The following PHACTR1 variants were observed in gnomAD, a reference collection of about 807,000 sequenced individuals.
The protein encoded by PHACTR1 is phosphatase and actin regulator 1.
Under a neutral mutation model 69.2 loss-of-function variants are expected in PHACTR1, and 16 were observed. The ratio of observed to expected loss-of-function variants is 0.23; its 90% CI spans 0.16 to 0.35. The LOEUF (loss-of-function observed/expected upper bound fraction) is 0.35. Ranked by LOEUF, PHACTR1 falls within the 10% of genes least tolerant of loss-of-function variation. PHACTR1 has a pLI of 1.00. For missense variants in PHACTR1, 510 were observed against 734.7 expected (o/e 0.69, Z 3.54); for synonymous variants, 312 against 284.5 (o/e 1.10, Z -0.97).
At chr6:13,088,295 TC>T (rs71552732) in intron 5 of PHACTR1, among the ~76,000 whole-genome samples, 1 of 147,920 alleles carries the variant, frequency 6.8e-6, no homozygotes, top group Non-Finnish European at 1.5e-5. Flanking sequence ...CAGTTCTATT[TC>T]CCCCCACCAC....
intron 5 of PHACTR1, among the ~76,000 whole-genome samples, chr6:13,065,181 T>C (rs534843020): frequency 2.0e-5 from 3 of 152,144 alleles, no homozygotes; most frequent in African/African-American, 4.8e-5. Flanking sequence ...GAAATGCAGA[T>C]TGGAAGTCAT....
intron 4 of PHACTR1, among the ~76,000 whole-genome samples, chr6:12,967,259 C>T (rs989990921): frequency 2.6e-5 from 4 of 152,116 alleles, no homozygotes; most frequent in African/African-American, 9.7e-5. Context: ...CTCAAATGGC[C>T]CTCCAAGATG....
At chr6:13,272,673 T>C in intron 10 of PHACTR1, 187 bp from the exon 11 acceptor site, 3 of 1,502,934 alleles carry the variant, frequency 2.0e-6, no homozygotes, top group Non-Finnish European at 2.7e-6. Context: ...ATGACGCACG[T>C]GCCTCTCCTG....
At chr6:13,243,814 T>C (rs1454781819) in intron 10 of PHACTR1, among the ~76,000 whole-genome samples, 1 of 152,166 alleles carries the variant, frequency 6.6e-6, no homozygotes, top group Non-Finnish European at 1.5e-5. Flanking sequence ...GTGTACTCAG[T>C]GTTTAGATCC....
chr6:13,251,721 G>C (rs521960), intron 10 of PHACTR1, among the ~76,000 whole-genome samples: 23,558 of 152,078 alleles, frequency 0.15, 2,431 homozygotes, highest in Admixed American at 0.27. Flanking sequence ...GCAGTTATCT[G>C]CGCTCTCAAG....
intron 4 of PHACTR1, among the ~76,000 whole-genome samples, chr6:12,838,024 C>T (rs141792964): frequency 2.6e-5 from 4 of 152,330 alleles, no homozygotes; most frequent in African/African-American, 7.2e-5. Context: ...CAGTTCCTTG[C>T]AGTTGTAGGA....
At chr6:12,997,721 G>A (rs1162872858) in intron 4 of PHACTR1, among the ~76,000 whole-genome samples, 2 of 152,080 alleles carry the variant, frequency 1.3e-5, no homozygotes, top group Admixed American at 1.3e-4. Flanking sequence ...TTGAGAGGCC[G>A]AGGTGGGCGG....
At chr6:12,802,125 A>G (rs896904833) in intron 4 of PHACTR1, among the ~76,000 whole-genome samples, 1 of 145,924 alleles carries the variant, frequency 6.9e-6, no homozygotes, top group Non-Finnish European at 1.5e-5. Flanking sequence ...AATGTACTTT[A>G]TTATATAAAA....
chr6:12,885,550 A>T (rs1452938697), intron 4 of PHACTR1, among the ~76,000 whole-genome samples: 1 of 152,204 alleles, frequency 6.6e-6, no homozygotes. Context: ...AATAGCAAAG[A>T]TGCATTTTCT....
intron 5 of PHACTR1, among the ~76,000 whole-genome samples, chr6:13,105,418 A>C (rs1815949503): frequency 6.6e-6 from 1 of 152,012 alleles, no homozygotes; most frequent in Non-Finnish European, 1.5e-5. Context: ...TGTGGAGGGA[A>C]GTATGCCTAT....
At chr6:13,184,782 T>C (rs1341379711) in intron 7 of PHACTR1, 2 of 1,364,240 alleles carry the variant, frequency 1.5e-6, no homozygotes, top group Non-Finnish European at 2.0e-6. Flanking sequence ...CTGTGTATCA[T>C]GTGGTTGTCC....
chr6:12,774,074 G>T (rs1375480584), intron 4 of PHACTR1, among the ~76,000 whole-genome samples: 1 of 152,202 alleles, frequency 6.6e-6, no homozygotes, highest in South Asian at 2.1e-4. Flanking sequence ...TGTTCAACTG[G>T]AAGGTCACAG....
At chr6:12,882,426 C>T (rs796702025) in intron 4 of PHACTR1, among the ~76,000 whole-genome samples, 12 of 152,142 alleles carry the variant, frequency 7.9e-5, no homozygotes, top group African/African-American at 2.9e-4. Flanking sequence ...CAATTTATCT[C>T]ATTACCATGC....
chr6:13,176,052 G>A (rs987356034), intron 6 of PHACTR1, among the ~76,000 whole-genome samples: 2 of 152,124 alleles, frequency 1.3e-5, no homozygotes, highest in African/African-American at 4.8e-5. Context: ...AGGGGCAAGA[G>A]GGTAGGCAAG....
intron 4 of PHACTR1, among the ~76,000 whole-genome samples, chr6:12,889,682 G>T (rs1284454038): frequency 6.6e-6 from 1 of 151,838 alleles, no homozygotes; most frequent in Non-Finnish European, 1.5e-5. Context: ...ACTGAAAGAT[G>T]GACTTGAAAT....
At chr6:13,161,002 C>T (rs189943087) in intron 6 of PHACTR1, among the ~76,000 whole-genome samples, 186 of 152,278 alleles carry the variant, frequency 1.2e-3, no homozygotes, top group Admixed American at 3.3e-3. Context: ...ATTTTGGAGA[C>T]AGGTTCTTGC....
chr6:12,771,065 G>A (rs778465040), intron 4 of PHACTR1, among the ~76,000 whole-genome samples: 2 of 152,226 alleles, frequency 1.3e-5, no homozygotes, highest in African/African-American at 4.8e-5. Context: ...CAGGGCCCCA[G>A]AGGCTTTTGC....
At chr6:12,823,142 C>A (rs549431231) in intron 4 of PHACTR1, among the ~76,000 whole-genome samples, 1 of 152,308 alleles carries the variant, frequency 6.6e-6, no homozygotes. Context: ...ACCTACCACC[C>A]GTGTAAACAG....
chr6:13,255,801 G>C (rs1775105555), intron 10 of PHACTR1, among the ~76,000 whole-genome samples: 1 of 152,158 alleles, frequency 6.6e-6, no homozygotes, highest in South Asian at 2.1e-4. Flanking sequence ...GGCTTTTCAG[G>C]GTTTAGCCTC....
Sources: gnomAD v4.1 joint callset for allele counts (sites outside exome capture counted in the v4.1 genomes callset) on GRCh38, gnomAD v4.1.1 for gene constraint, MANE v1.5 for transcripts, NCBI Gene and HGNC (gene_info 2026-07-23, HGNC 2026-07-21) for gene names.